The following REEP3 variants were observed in gnomAD, a reference collection of about 807,000 sequenced individuals.
REEP3 encodes the protein receptor accessory protein 3.
Under a neutral mutation model 41.3 loss-of-function variants are expected in REEP3, and 20 were observed. That is an observed-to-expected ratio of 0.48 (90% CI 0.34 to 0.70). The LOEUF (loss-of-function observed/expected upper bound fraction) is 0.70, where lower values mean the gene tolerates loss of function less well. Among genes scored for constraint, REEP3 ranks in the 30% least tolerant of loss-of-function variants. The probability of loss-of-function intolerance (pLI) is 0.01; values close to 1 mark genes in which losing one functional copy is unlikely to be tolerated. For synonymous variants in REEP3, 104 were observed against 101.8 expected (o/e 1.02, Z -0.13); for missense variants, 271 against 308.8 (o/e 0.88, Z 0.92).
intron 1 of REEP3, among the ~76,000 whole-genome samples, chr10:63,546,147 G>T (rs898913681): frequency 6.6e-6 from 1 of 152,190 alleles, no homozygotes; most frequent in African/African-American, 2.4e-5. Flanking sequence ...TCTGAGTGAG[G>T]TGGGAAGCTG....
intron 7 of REEP3, among the ~76,000 whole-genome samples, chr10:63,620,596 TTA>T (rs1956346250): frequency 6.6e-6 from 1 of 152,226 alleles, no homozygotes; most frequent in Admixed American, 6.5e-5. Flanking sequence ...ATTAATGTTT[TTA>T]TGTTATTAGT....
intron 1 of REEP3, among the ~76,000 whole-genome samples, chr10:63,540,933 A>G (rs755469753): frequency 3.3e-5 from 5 of 152,212 alleles, no homozygotes; most frequent in Non-Finnish European, 5.9e-5. Context: ...TCCCATTTCT[A>G]TGTAGTCTAT....
chr10:63,576,704 T>C (rs1955901684), intron 2 of REEP3, among the ~76,000 whole-genome samples: 1 of 152,166 alleles, frequency 6.6e-6, no homozygotes, highest in Non-Finnish European at 1.5e-5. Flanking sequence ...TTTTTCACAG[T>C]TCTGGAGACT....
chr10:63,566,865 T>C (rs1322853617), intron 2 of REEP3, among the ~76,000 whole-genome samples: 1 of 152,226 alleles, frequency 6.6e-6, no homozygotes, highest in Non-Finnish European at 1.5e-5. Flanking sequence ...TTTTTCCTTC[T>C]TGAATCAGAC....
chr10:63,623,753 A>ATGTGTGTG lies in REEP3; in HGVS notation c.*2885_*2886insGTGTGTGT, dbSNP rs1430902074. The ATGTGTGTG allele has an allele frequency of 1.8e-5, 2 of 110,176 alleles. No individual in the cohort carries two copies. Among genetic ancestry groups the ATGTGTGTG allele is most frequent in the Admixed American group, 1.0e-4 (1 of 9,728 alleles). 6.8% of individuals were successfully genotyped at this position (110,176 alleles called of 1,614,324 possible). ...ATCCCCCTCACATACTTCACAATAT[A>ATGTGTGTG]TATGTGTGTGTGTGTGTGTGTGTGT... is the stretch of plus-strand genomic sequence containing the variant. On this transcript the variant is annotated 3_prime_UTR_variant, in exon 8 of 8. Transcript: ENST00000373758.
intron 6 of REEP3, among the ~76,000 whole-genome samples, chr10:63,612,530 C>T (rs1396954967): frequency 6.6e-6 from 1 of 152,152 alleles, no homozygotes; most frequent in Non-Finnish European, 1.5e-5. Context: ...GTGGCTCACA[C>T]CTGTAATCCC....
intron 5 of REEP3, chr10:63,599,768 T>A: frequency 1.3e-6 from 1 of 758,538 alleles, no homozygotes; most frequent in Non-Finnish European, 1.6e-6. Flanking sequence ...ACTTGGTACT[T>A]AGCCAGTTAC....
intron 5 of REEP3, among the ~76,000 whole-genome samples, chr10:63,600,192 T>C (rs1396101718): frequency 6.6e-6 from 1 of 152,172 alleles, no homozygotes; most frequent in Non-Finnish European, 1.5e-5. Flanking sequence ...TGGAAATAAA[T>C]ATTCCAGTTG....
At chr10:63,568,934 A>T (rs1955828514) in intron 2 of REEP3, among the ~76,000 whole-genome samples, 1 of 152,122 alleles carries the variant, frequency 6.6e-6, no homozygotes, top group African/African-American at 2.4e-5. Flanking sequence ...AAGTACTGGG[A>T]TTATAGGCAT....
intron 1 of REEP3, among the ~76,000 whole-genome samples, chr10:63,543,247 T>C (rs1955545918): frequency 6.6e-6 from 1 of 152,224 alleles, no homozygotes; most frequent in Non-Finnish European, 1.5e-5. Flanking sequence ...ATTGGTTTTC[T>C]TTAATCTTTC....
chr10:63,589,545 C>T (rs1418491514), intron 2 of REEP3, among the ~76,000 whole-genome samples: 2 of 152,176 alleles, frequency 1.3e-5, no homozygotes, highest in East Asian at 1.9e-4. Context: ...CCGTGGCTCT[C>T]ACCTGCTTAC....
chr10:63,605,206 T>C (rs958575912), intron 5 of REEP3, among the ~76,000 whole-genome samples: 4 of 152,228 alleles, frequency 2.6e-5, no homozygotes, highest in African/African-American at 7.2e-5. Context: ...ACAAATAATT[T>C]TTACTTCCTT....
chr10:63,549,487 G>T (rs943925679), intron 1 of REEP3, among the ~76,000 whole-genome samples: 2 of 152,204 alleles, frequency 1.3e-5, no homozygotes, highest in African/African-American at 4.8e-5. Context: ...AGGATCCCTT[G>T]AGCCCAGATT....
intron 5 of REEP3, among the ~76,000 whole-genome samples, chr10:63,606,621 G>A (rs1956231715): frequency 6.6e-6 from 1 of 152,016 alleles, no homozygotes; most frequent in Admixed American, 6.5e-5. Context: ...GATACACAAA[G>A]CATTATTAAT....
At chr10:63,606,031 G>A in intron 5 of REEP3, 1 of 554,856 alleles carries the variant, frequency 1.8e-6, no homozygotes, top group Non-Finnish European at 2.3e-6. Flanking sequence ...GTTTCAATGT[G>A]TAAAATATTC....
intron 1 of REEP3, among the ~76,000 whole-genome samples, chr10:63,525,725 T>C (rs7904459): frequency 0.027 from 4,073 of 152,304 alleles, 191 homozygotes; most frequent in African/African-American, 0.092. Context: ...TTTTAAGGGA[T>C]AGTAGTTTGA....
intron 1 of REEP3, among the ~76,000 whole-genome samples, chr10:63,525,422 C>CT (rs1010779668): frequency 8.6e-4 from 126 of 146,284 alleles, no homozygotes; most frequent in East Asian, 1.8e-3. Flanking sequence ...AGATTAGTTA[C>CT]TTTTTTTTTT....
chr10:63,577,780 G>A (rs141958420), intron 2 of REEP3, among the ~76,000 whole-genome samples: 102 of 152,042 alleles, frequency 6.7e-4, no homozygotes, highest in African/African-American at 2.2e-3. Flanking sequence ...TTCTTTTGGC[G>A]AGCTCTGCAG....
chr10:63,586,298 T>G (rs1956006090), intron 2 of REEP3, among the ~76,000 whole-genome samples: 1 of 152,196 alleles, frequency 6.6e-6, no homozygotes, highest in Non-Finnish European at 1.5e-5. Flanking sequence ...GCTGGCTTGT[T>G]AAGTAGGCTA....
Sources: gnomAD v4.1 joint callset for allele counts (sites outside exome capture counted in the v4.1 genomes callset) on GRCh38, gnomAD v4.1.1 for gene constraint, MANE v1.5 for transcripts, NCBI Gene and HGNC (gene_info 2026-07-23, HGNC 2026-07-21) for gene names.